IQCM: variants seen among roughly 807,000 people sequenced by gnomAD.
IQCM encodes IQ domain-containing protein M.
In IQCM, 45 loss-of-function variants were observed where a neutral mutation model predicts 57.6. The ratio of observed to expected loss-of-function variants is 0.78; its 90% confidence interval spans 0.62 to 1.00. The LOEUF (loss-of-function observed/expected upper bound fraction) is 1.00, where lower values mean the gene tolerates loss of function less well. Among genes scored for constraint, IQCM ranks in the 50% least tolerant of loss-of-function variants. The pLI, the probability that IQCM is intolerant of heterozygous loss-of-function variation, is 0.00. For missense variants in IQCM, 468 were observed against 511.6 expected (o/e 0.91, Z 0.82); for synonymous variants, 148 against 158.9 (o/e 0.93, Z 0.51).
chr4:149,418,288 G>C (rs1188346097), intron 13 of IQCM, among the ~76,000 whole-genome samples: 3 of 151,500 alleles, frequency 2.0e-5, no homozygotes, highest in Non-Finnish European at 4.4e-5. Flanking sequence ...CAGAAATACA[G>C]CCATCAGAGA....
Position 149,684,156 on chromosome 4 carries a change from A to T in IQCM, c.477-1950T>A, listed in dbSNP as rs184830958. Among the ~76,000 whole-genome samples, 186 of 151,522 alleles carry T rather than the reference A, an allele frequency of 1.2e-3. 1 individual carries two copies. Among genetic ancestry groups the T allele is most frequent in the Admixed American group, 1.3e-3 (19 of 15,156 alleles). On this transcript the variant is annotated intron_variant, in intron 6 of 13. Coordinates refer to ENST00000636793, the MANE Select transcript of IQCM (RefSeq NM_001363507.2). ...GAACCCATATCTATCATCATCATAA[A>T]GAGTATTTTAATGTAGGGAAATCTT...
intron 13 of IQCM, among the ~76,000 whole-genome samples, chr4:149,366,336 T>C (rs577795130): frequency 6.6e-6 from 1 of 152,158 alleles, no homozygotes; most frequent in Non-Finnish European, 1.5e-5. Flanking sequence ...ATACTACTTA[T>C]GGCTTTTAGA....
At chr4:149,556,862 C>T (rs1356688546) in intron 10 of IQCM, among the ~76,000 whole-genome samples, 4 of 152,138 alleles carry the variant, frequency 2.6e-5, no homozygotes, top group East Asian at 1.9e-4. Context: ...CAGGCCTCTC[C>T]TCTGTGTCAC....
chr4:149,573,291 G>A (rs1346923635), intron 9 of IQCM, among the ~76,000 whole-genome samples: 1 of 150,996 alleles, frequency 6.6e-6, no homozygotes, highest in Non-Finnish European at 1.5e-5. Flanking sequence ...ATTATTAATG[G>A]TTATATTAAC....
intron 9 of IQCM, among the ~76,000 whole-genome samples, chr4:149,571,474 G>C (rs2149960201): frequency 6.6e-6 from 1 of 152,178 alleles, no homozygotes; most frequent in Admixed American, 6.6e-5. Flanking sequence ...GTGGCAAAAA[G>C]AGCTGGAGCA....
chr4:149,398,205 C>T (rs1253524912), intron 13 of IQCM, among the ~76,000 whole-genome samples: 2 of 151,898 alleles, frequency 1.3e-5, no homozygotes, highest in African/African-American at 2.4e-5. Flanking sequence ...GGTATAATTA[C>T]TTCTGGGCTC....
intron 12 of IQCM, among the ~76,000 whole-genome samples, chr4:149,536,464 ATTT>A (rs1317142322): frequency 6.6e-6 from 1 of 151,946 alleles, no homozygotes; most frequent in South Asian, 2.1e-4. Context: ...CTTTGCTTTT[ATTT>A]TCTTATCTAG....
chr4:149,700,929 G>A (rs1035444275), intron 5 of IQCM, among the ~76,000 whole-genome samples: 9 of 152,076 alleles, frequency 5.9e-5, no homozygotes, highest in African/African-American at 2.2e-4. Context: ...TACCTGGCAG[G>A]ACTCCTGAGT....
intron 12 of IQCM, among the ~76,000 whole-genome samples, chr4:149,482,009 T>A (rs1740955885): frequency 6.6e-6 from 1 of 151,726 alleles, no homozygotes; most frequent in Admixed American, 6.6e-5. Flanking sequence ...CTGGTTAAAT[T>A]AATTCCTAGG....
intron 12 of IQCM, among the ~76,000 whole-genome samples, chr4:149,518,037 A>C (rs1745169577): frequency 6.6e-6 from 1 of 152,198 alleles, no homozygotes; most frequent in South Asian, 2.1e-4. Context: ...GTATGTTGTT[A>C]TAGTAATGAC....
intron 6 of IQCM, 86 bp from the exon 7 acceptor site, chr4:149,682,292 G>T: frequency 2.0e-6 from 1 of 500,146 alleles, no homozygotes; most frequent in Non-Finnish European, 3.1e-6. Flanking sequence ...TGGACTAAAT[G>T]CTAATCATAG....
At chr4:149,515,076 G>GTGTA (rs1436484316) in intron 12 of IQCM, among the ~76,000 whole-genome samples, 1 of 102,420 alleles carries the variant, frequency 9.8e-6, no homozygotes, top group African/African-American at 4.5e-5. Context: ...ATACACGTGT[G>GTGTA]TGTGTGTGTG....
chr4:149,655,244 C>T (rs1759533025), intron 7 of IQCM, among the ~76,000 whole-genome samples: 1 of 152,134 alleles, frequency 6.6e-6, no homozygotes, highest in African/African-American at 2.4e-5. Context: ...TTAAAATTAG[C>T]TAAATCCTGT....
chr4:149,696,546 C>G (rs1312974559), intron 5 of IQCM, among the ~76,000 whole-genome samples: 2 of 152,138 alleles, frequency 1.3e-5, no homozygotes, highest in Non-Finnish European at 2.9e-5. Context: ...TATTCTCCAG[C>G]CCACATCTCT....
chr4:149,359,144 A>G (rs1729294680), intron 13 of IQCM, among the ~76,000 whole-genome samples: 1 of 152,120 alleles, frequency 6.6e-6, no homozygotes, highest in Non-Finnish European at 1.5e-5. Context: ...AAATATCTCA[A>G]ATAACTTTAA....
intron 8 of IQCM, among the ~76,000 whole-genome samples, chr4:149,591,649 G>C (rs1216422564): frequency 1.3e-5 from 2 of 151,912 alleles, no homozygotes; most frequent in African/African-American, 2.4e-5. Context: ...TCCCCACCCT[G>C]TGTCCAAGTG....
At chr4:149,366,452 C>T (rs1021915032) in intron 13 of IQCM, among the ~76,000 whole-genome samples, 1 of 151,854 alleles carries the variant, frequency 6.6e-6, no homozygotes, top group African/African-American at 2.4e-5. Context: ...TGCTTTCATC[C>T]TGCTTGCTCC....
At chr4:149,353,579 T>C (rs562202618) in intron 13 of IQCM, among the ~76,000 whole-genome samples, 4 of 152,286 alleles carry the variant, frequency 2.6e-5, no homozygotes, top group South Asian at 2.1e-4. Flanking sequence ...GTAGCATATA[T>C]ATACAATGGA....
chr4:149,725,273 G>A (rs1044823203), intron 5 of IQCM, among the ~76,000 whole-genome samples: 4 of 152,088 alleles, frequency 2.6e-5, no homozygotes, highest in Non-Finnish European at 4.4e-5. Flanking sequence ...CTCTAAACAC[G>A]CAGTACACAC....
Sources: gnomAD v4.1 joint callset for allele counts (sites outside exome capture counted in the v4.1 genomes callset) on GRCh38, gnomAD v4.1.1 for gene constraint, MANE v1.5 for transcripts, NCBI Gene and HGNC (gene_info 2026-07-23, HGNC 2026-07-21) for gene names.